Variants in PIPOX observed in about 807,000 individuals in gnomAD.
The protein encoded by PIPOX is peroxisomal sarcosine oxidase.
Under a neutral mutation model 47.9 loss-of-function variants are expected in PIPOX, and 45 were observed. That is an observed-to-expected ratio of 0.94 (90% CI 0.74 to 1.20). The LOEUF is 1.20. Ranked by LOEUF, PIPOX falls within the 50% of genes most tolerant of loss-of-function variation. PIPOX has a pLI of 0.00. For missense variants in PIPOX, 458 were observed against 498.4 expected, an observed-to-expected ratio of 0.92 and a Z score of 0.77; for synonymous variants, 165 against 191.3, an observed-to-expected ratio of 0.86 and a Z score of 1.13.
chr17:29,055,399 A>G (rs991182723), intron 6 of PIPOX, among the ~76,000 whole-genome samples, 178 bp downstream of exon 6: 3 of 152,166 alleles, frequency 2.0e-5, no homozygotes, highest in Admixed American at 6.5e-5. Context: ...CCTGTTCGAA[A>G]TTATTCCTAT....
chr17:29,045,206 T>G (rs1283072462), intron 2 of PIPOX, among the ~76,000 whole-genome samples, 199 bp downstream of exon 2: 1 of 152,166 alleles, frequency 6.6e-6, no homozygotes. Context: ...AGGCTCTGCG[T>G]TGCAGGACTG....
intron 1 of PIPOX, among the ~76,000 whole-genome samples, chr17:29,043,595 G>C (rs1673436853): frequency 1.3e-5 from 2 of 152,186 alleles, no homozygotes; most frequent in African/African-American, 2.4e-5. Flanking sequence ...TTGACCAAGC[G>C]TCCTAGGCCC....
intron 2 of PIPOX, among the ~76,000 whole-genome samples, chr17:29,047,058 A>G (rs1218226408): frequency 6.6e-6 from 1 of 152,152 alleles, no homozygotes; most frequent in Non-Finnish European, 1.5e-5. Context: ...AGGCTGAGGC[A>G]GGTGGATCAC....
intron 2 of PIPOX, 52 bp downstream of exon 2, chr17:29,045,059 C>G (rs1262062791): frequency 6.6e-7 from 1 of 1,524,980 alleles, no homozygotes; most frequent in Non-Finnish European, 8.8e-7. Flanking sequence ...CCTGCAGGTA[C>G]TTTTAGTGTG....
In PIPOX at chr17:29,055,169, A is replaced by G. The variant is rs201547648; in HGVS notation, c.914A>G (p.His305Arg). ...VQILSSFVRD[H>R]LPDLKPEPAV... is the part of the protein sequence containing the mutation. ...ATCCTGAGCAGCTTTGTCAGAGATC[A>G]CTTACCTGATCTGAAGCCCGAGCCT... Residue 305 changes from histidine to arginine, a missense_variant, in exon 6 of 8, where the codon CAC becomes CGC. By Grantham distance (29) the His-to-Arg change is conservative. Coordinates refer to ENST00000323372, the MANE Select transcript of PIPOX (RefSeq NM_016518.3). 8.4e-5 allele frequency: 136 copies of G among 1,614,166 alleles called. 9 individuals are homozygous for G. The highest frequency in any genetic ancestry group is 5.8e-4 in the East Asian group (26 of 44,884).
In PIPOX at chr17:29,043,256, A is replaced by G. The variant is rs763009997; in HGVS notation, c.31A>G (p.Ile11Val). 8 of 1,613,440 alleles carry G rather than the reference A, an allele frequency of 5.0e-6. No individual in the cohort carries two copies. In the Admixed American group the frequency reaches 8.3e-5, roughly 17 times the overall value. ...GGCTCAGAAAGATCTCTGGGACGCC[A>G]TTGTGATTGGGGCGGGGATCCAGGG... Reference protein sequence around the residue: MAAQKDLWDAIVIGAGIQGCF... With the variant: MAAQKDLWDAVVIGAGIQGCF... Residue 11 changes from isoleucine to valine, a missense_variant, in exon 1 of 8, where the codon ATT becomes GTT. Physicochemically the swap from Ile to Val is conservative, Grantham distance 29. Coordinates refer to ENST00000323372, the MANE Select transcript of PIPOX (RefSeq NM_016518.3).
intron 2 of PIPOX, 96 bp from the exon 3 acceptor site, chr17:29,052,824 C>A: frequency 9.7e-7 from 1 of 1,025,668 alleles, no homozygotes; most frequent in Non-Finnish European, 1.5e-6. Flanking sequence ...CCTCCTGCCT[C>A]AGCCTCCTGA....
rs556937064 is a variant in PIPOX at position 29,056,762 on chromosome 17, T to A, written c.*457T>A. The A allele has an allele frequency of 6.2e-6, 1 of 161,740 alleles. No individual in the cohort carries two copies. Among genetic ancestry groups the A allele is most frequent in the East Asian group, 1.8e-4 (1 of 5,524 alleles). The allele number at this position is 161,740 out of a possible 1,614,324, so 10.0% of individuals were successfully genotyped here. A position where few individuals can be genotyped will look rare whatever the true frequency, so the allele number is the denominator to read the frequency against. ...ACTTTGGGGGGCTGAGACAGGCGGA[T>A]CACCTGAGGCCAGGAATTCAAGACC... On this transcript the variant is annotated 3_prime_UTR_variant, in exon 8 of 8. Transcript: ENST00000323372.
In PIPOX at chr17:29,053,085, C is replaced by T. The variant is rs186433834; in HGVS notation, c.429C>T (p.Asp143=). The change falls in exon 3 of 8, where the codon GAC becomes GAT. Residue 143 remains aspartate (D), a synonymous_variant. Transcript: ENST00000323372. ...RLPRGEVGLL[D]NSGGVIYAYK... ...CCAGGGGAGAAGTGGGGCTCTTGGA[C>T]AATTCCGGAGGAGTTATCTATGCAT... The T allele has an allele frequency of 6.6e-5, 107 of 1,614,236 alleles. No individual in the cohort carries two copies. In the East Asian group the frequency reaches 1.4e-3, roughly 21 times the overall value.
intron 2 of PIPOX, among the ~76,000 whole-genome samples, chr17:29,052,554 C>G (rs577538247): frequency 6.6e-6 from 1 of 152,186 alleles, no homozygotes; most frequent in African/African-American, 2.4e-5. Context: ...GCAAATGGCC[C>G]AGGGCTTTGC....
intron 2 of PIPOX, among the ~76,000 whole-genome samples, chr17:29,049,363 C>G (rs955068183): frequency 6.6e-6 from 1 of 151,124 alleles, no homozygotes; most frequent in Non-Finnish European, 1.5e-5. Context: ...TCACCCTTCT[C>G]CTTCCCAAAC....
intron 7 of PIPOX, 45 bp from the exon 8 acceptor site, chr17:29,056,130 C>T (rs2065827116): frequency 6.2e-7 from 1 of 1,611,400 alleles, no homozygotes; most frequent in Non-Finnish European, 8.5e-7. Flanking sequence ...GAGAGCTCAA[C>T]CTCTGTCTGT....
chr17:29,046,765 C>A, intron 2 of PIPOX: 1 of 985,126 alleles, frequency 1.0e-6, no homozygotes, highest in African/African-American at 1.7e-5. Flanking sequence ...GGAATTTGGA[C>A]GGGCTTTGGA....
In PIPOX at chr17:29,055,134, A is replaced by C; in HGVS notation, c.879A>C (p.Gly293=). ...GCCCCACAGCACGCACAGACATCGGAGACGTCCAGATCCTGAGCAGCTTTG... is the reference window on the plus strand; with the variant it reads ...GCCCCACAGCACGCACAGACATCGGCGACGTCCAGATCCTGAGCAGCTTTG... ...RDCPTARTDI[G]DVQILSSFVR... The change falls in exon 6 of 8, where the codon GGA becomes GGC. Residue 293 remains glycine (G), a synonymous_variant. Transcript: ENST00000323372. 1 of 1,614,114 alleles carries C rather than the reference A, an allele frequency of 6.2e-7. No homozygotes were observed. The highest frequency in any genetic ancestry group is 1.1e-5 in the South Asian group (1 of 91,082).
intron 7 of PIPOX, 75 bp downstream of exon 7, chr17:29,055,963 C>T (rs187538457): frequency 2.8e-6 from 4 of 1,406,728 alleles, no homozygotes; most frequent in South Asian, 1.2e-5. Context: ...GTATTTTCCA[C>T]ACTCTTAGCT....
At chr17:29,043,964 G>A (rs1313032154) in intron 1 of PIPOX, among the ~76,000 whole-genome samples, 1 of 152,184 alleles carries the variant, frequency 6.6e-6, no homozygotes, top group Non-Finnish European at 1.5e-5. Flanking sequence ...TGTCTGCAGG[G>A]TCCTTCGAGG....
chr17:29,056,425 C>T lies in PIPOX; in HGVS notation c.*120C>T. On this transcript the variant is annotated 3_prime_UTR_variant, in exon 8 of 8. Coordinates refer to ENST00000323372, the MANE Select transcript of PIPOX (RefSeq NM_016518.3). ...TTTTCTTCTGCCTCGCCTGAATCCC[C>T]CATAAACACCAGATGATTGAGTCTA... The T allele has an allele frequency of 2.7e-6, 3 of 1,119,040 alleles. No individual in the cohort carries two copies. Among genetic ancestry groups the T allele is most frequent in the Non-Finnish European group, 3.9e-6 (3 of 778,666 alleles). The allele number at this position is 1,119,040 out of a possible 1,614,324, so 69.3% of individuals were successfully genotyped here.
At chr17:29,055,767 T>G in intron 6 of PIPOX, 46 bp from the exon 7 acceptor site, 1 of 1,493,514 alleles carries the variant, frequency 6.7e-7, no homozygotes, top group Admixed American at 1.7e-5. Flanking sequence ...GTTCTTTCTC[T>G]TCCCTCGAGC....
rs756943831 is a variant in PIPOX, at chr17:29,054,551, C to T, written c.667C>T (p.Arg223Trp). 43 of 1,613,944 alleles carry T rather than the reference C, an allele frequency of 2.7e-5. No individual in the cohort carries two copies. The highest frequency in any genetic ancestry group is 1.6e-4 in the Middle Eastern group (1 of 6,084). Residue 223 changes from arginine (R) to tryptophan (W), a missense_variant, in exon 5 of 8, where the codon CGG becomes TGG. By Grantham distance (101) the Arg-to-Trp change is moderately radical. Coordinates refer to ENST00000323372, the MANE Select transcript of PIPOX (RefSeq NM_016518.3). ...LGIEMPLQTL[R>W]INVCYWREMV... ...TTCCTCTCCCTGCCTCAAGACCCTG[C>T]GGATCAACGTGTGTTACTGGCGAGA... is the stretch of plus-strand genomic sequence containing the variant.
Sources: allele counts gnomAD v4.1 joint callset (sites outside exome capture counted in the v4.1 genomes callset), GRCh38; gene constraint gnomAD v4.1.1; transcripts MANE v1.5; gene names NCBI Gene and HGNC (gene_info 2026-07-23, HGNC 2026-07-21).